CD200R1: variants seen among roughly 807,000 people sequenced by gnomAD.
The protein encoded by CD200R1 is cell surface glycoprotein CD200 receptor 1.
Under a neutral mutation model 38.1 loss-of-function variants are expected in CD200R1, and 30 were observed. The observed-to-expected ratio is 0.79, with a 90% CI of 0.59 to 1.07. The LOEUF is 1.07. Among genes scored for constraint, CD200R1 ranks in the 50% least tolerant of loss-of-function variants. The pLI, the probability that CD200R1 is intolerant of heterozygous loss-of-function variation, is 0.00. For missense variants in CD200R1, 372 were observed against 415.4 expected, an observed-to-expected ratio of 0.90 and a Z score of 0.91; for synonymous variants, 128 against 152.1, an observed-to-expected ratio of 0.84 and a Z score of 1.16.
intron 2 of CD200R1, among the ~76,000 whole-genome samples, chr3:112,946,945 A>G (rs1300227764): frequency 1.0e-5 from 1 of 97,934 alleles, no homozygotes; most frequent in African/African-American, 4.8e-5. Context: ...AATATTATTC[A>G]GTACTAAAAA....
At chr3:112,966,621 G>C (rs1265379995) in intron 1 of CD200R1, among the ~76,000 whole-genome samples, 1 of 151,970 alleles carries the variant, frequency 6.6e-6, no homozygotes, top group Non-Finnish European at 1.5e-5. Flanking sequence ...CAAAATGGCA[G>C]AGAAAAAGAA....
At chr3:112,950,515 A>G (rs750058553) in intron 1 of CD200R1, among the ~76,000 whole-genome samples, 1 of 152,222 alleles carries the variant, frequency 6.6e-6, no homozygotes, top group Middle Eastern at 3.2e-3. Context: ...ATCTGCTGCT[A>G]AGTTGTGGGG....
At chr3:112,964,267 G>A (rs1187349642) in intron 1 of CD200R1, among the ~76,000 whole-genome samples, 1 of 152,168 alleles carries the variant, frequency 6.6e-6, no homozygotes, top group African/African-American at 2.4e-5. Flanking sequence ...TGTGAGAAGA[G>A]GGCCACCATA....
At chr3:112,932,783 C>A (rs1242494864) in intron 2 of CD200R1, among the ~76,000 whole-genome samples, 2 of 152,232 alleles carry the variant, frequency 1.3e-5, no homozygotes, top group African/African-American at 4.8e-5. Context: ...GGACATCCCC[C>A]CCAGGCCAGC....
Position 112,931,186 on chromosome 3 carries a change from G to C in CD200R1, c.137-15C>G, listed in dbSNP as rs201499633. 3.7e-5 allele frequency: 57 copies of C among 1,527,836 alleles called. No individual in the cohort carries two copies. Among genetic ancestry groups the C allele is most frequent in the Non-Finnish European group, 4.9e-5 (54 of 1,101,722 alleles). The allele number at this position is 1,527,836 out of a possible 1,614,324, so 94.6% of individuals were successfully genotyped here. Reference sequence around the variant, plus strand: ...ACTGCTTGAAGCTAGAAAATATTTAGAGAAGAATAAATGAAATCAATTTTA... The same window carrying C: ...ACTGCTTGAAGCTAGAAAATATTTACAGAAGAATAAATGAAATCAATTTTA... On this transcript the variant is annotated splice_polypyrimidine_tract_variant and intron_variant, in intron 2 of 7. Coordinates refer to ENST00000308611, the MANE Select transcript of CD200R1 (RefSeq NM_138806.4).
chr3:112,940,795 G>A lies in CD200R1; in HGVS notation c.136+7061C>T, dbSNP rs192384172. On this transcript the variant is annotated intron_variant, in intron 2 of 7. Coordinates refer to ENST00000308611, the MANE Select transcript of CD200R1 (RefSeq NM_138806.4). Reference sequence around the variant, plus strand: ...GTCATATGATCCAGCAATCTTGCTCGTAAACATTTATTCAAAGGAAAGGAA... The same window carrying A: ...GTCATATGATCCAGCAATCTTGCTCATAAACATTTATTCAAAGGAAAGGAA... 9.2e-4 allele frequency among the ~76,000 whole-genome samples: 140 copies of A among 151,718 alleles called. 1 individual carries two copies. The highest frequency in any genetic ancestry group is 4.1e-4 in the South Asian group (2 of 4,826).
chr3:112,954,829 C>T (rs900533653), intron 1 of CD200R1, among the ~76,000 whole-genome samples: 1 of 152,098 alleles, frequency 6.6e-6, no homozygotes, highest in Non-Finnish European at 1.5e-5. Context: ...GTAAGTATTT[C>T]GCTGAGTTCT....
intron 1 of CD200R1, among the ~76,000 whole-genome samples, chr3:112,967,125 A>G (rs901157810): frequency 5.3e-5 from 8 of 151,916 alleles, no homozygotes; most frequent in Admixed American, 4.6e-4. Flanking sequence ...GCCTCCTCTC[A>G]TATATTTTCT....
intron 2 of CD200R1, among the ~76,000 whole-genome samples, chr3:112,937,530 A>G (rs1393791878): frequency 6.6e-6 from 1 of 152,140 alleles, no homozygotes; most frequent in Non-Finnish European, 1.5e-5. Context: ...TGGGTTCTCT[A>G]TTCTGTTCCA....
intron 1 of CD200R1, among the ~76,000 whole-genome samples, chr3:112,957,355 T>A (rs1476946853): frequency 2.6e-5 from 4 of 152,134 alleles, no homozygotes; most frequent in Non-Finnish European, 5.9e-5. Context: ...CTCCAACCAA[T>A]CTATTGATTT....
chr3:112,955,039 G>GA (rs1303621639), intron 1 of CD200R1, among the ~76,000 whole-genome samples: 1 of 152,046 alleles, frequency 6.6e-6, no homozygotes, highest in Non-Finnish European at 1.5e-5. Flanking sequence ...TTGGTGTGTA[G>GA]AAAAAAACAG....
chr3:112,963,975 G>A (rs1933089231), intron 1 of CD200R1, among the ~76,000 whole-genome samples: 1 of 152,130 alleles, frequency 6.6e-6, no homozygotes, highest in African/African-American at 2.4e-5. Context: ...TGGCTGAAAG[G>A]GGCCAACATA....
At chr3:112,973,253 C>G (rs1460900575) in intron 1 of CD200R1, among the ~76,000 whole-genome samples, 1 of 152,198 alleles carries the variant, frequency 6.6e-6, no homozygotes, top group Non-Finnish European at 1.5e-5. Flanking sequence ...CTTTCTACAA[C>G]AAGATCTGAA....
At chr3:112,964,778 GA>G (rs1933115180) in intron 1 of CD200R1, among the ~76,000 whole-genome samples, 1 of 152,204 alleles carries the variant, frequency 6.6e-6, no homozygotes, top group Non-Finnish European at 1.5e-5. Flanking sequence ...GTGAGGACAT[GA>G]GATTTGGGAG....
At chr3:112,952,464 T>G (rs1576145407) in intron 1 of CD200R1, among the ~76,000 whole-genome samples, 1 of 152,316 alleles carries the variant, frequency 6.6e-6, no homozygotes, top group Middle Eastern at 3.4e-3. Flanking sequence ...CCATTAAAAA[T>G]GATGAGTTCA....
intron 1 of CD200R1, among the ~76,000 whole-genome samples, chr3:112,967,728 C>T (rs549862658): frequency 1.3e-5 from 2 of 152,252 alleles, no homozygotes; most frequent in East Asian, 3.9e-4. Flanking sequence ...GAAATTTGTC[C>T]CCACTTGAAT....
intron 1 of CD200R1, 138 bp downstream of exon 1, chr3:112,974,653 G>A (rs1233537722): frequency 9.0e-6 from 6 of 663,400 alleles, no homozygotes; most frequent in Admixed American, 7.3e-5. Context: ...CTAGATATGG[G>A]AGTAACCCAT....
chr3:112,950,149 G>A (rs1378959812), intron 1 of CD200R1, among the ~76,000 whole-genome samples: 1 of 152,216 alleles, frequency 6.6e-6, no homozygotes, highest in Non-Finnish European at 1.5e-5. Context: ...ACTGTTGGGT[G>A]AGGTTGTGGA....
Position 112,921,407 on chromosome 3 carries a change from TATG to T in CD200R1, c.*2267_*2269del, listed in dbSNP as rs1940169347. 6.6e-6 allele frequency: 1 copy of T among 152,012 alleles called. No homozygotes were observed. Among genetic ancestry groups the T allele is most frequent in the African/African-American group, 2.4e-5 (1 of 41,416 alleles). 9.4% of individuals were successfully genotyped at this position (152,012 alleles called of 1,614,324 possible). A position where few individuals can be genotyped will look rare whatever the true frequency, so the allele number is the denominator to read the frequency against. ...AGCATAACCCCAATAGATATTTAGTTATGATGAATTACTTTCAAATTATTAGAG... is the reference window on the plus strand; with the variant it reads ...AGCATAACCCCAATAGATATTTAGTTATGAATTACTTTCAAATTATTAGAG... On this transcript the variant is annotated 3_prime_UTR_variant, in exon 8 of 8. Coordinates refer to ENST00000308611, the MANE Select transcript of CD200R1 (RefSeq NM_138806.4).
Sources: allele counts gnomAD v4.1 joint callset (sites outside exome capture counted in the v4.1 genomes callset), GRCh38; gene constraint gnomAD v4.1.1; transcripts MANE v1.5; gene names NCBI Gene and HGNC (gene_info 2026-07-23, HGNC 2026-07-21).